PXDNL: variants seen among roughly 807,000 people sequenced by gnomAD.
The protein encoded by PXDNL is probable oxidoreductase PXDNL.
A neutral mutation model predicts 150.8 loss-of-function variants in PXDNL; 145 were observed. The observed-to-expected ratio is 0.96, with a 90% CI of 0.84 to 1.10. The LOEUF (loss-of-function observed/expected upper bound fraction) is 1.10. PXDNL is among the 50% of genes least tolerant of loss of function. The pLI, the probability that PXDNL is intolerant of heterozygous loss-of-function variation, is 0.00. For synonymous variants in PXDNL, 757 were observed against 725.7 expected (o/e 1.04, Z -0.69); for missense variants, 2,087 against 1,873.9 (o/e 1.11, Z -2.10).
intron 12 of PXDNL, among the ~76,000 whole-genome samples, chr8:51,432,337 C>A (rs1012625504): frequency 6.6e-6 from 1 of 152,148 alleles, no homozygotes; most frequent in African/African-American, 2.4e-5. Flanking sequence ...TATCCCTGAG[C>A]AGTATACAGT....
chr8:51,324,466 G>T (rs1805424447), intron 21 of PXDNL, among the ~76,000 whole-genome samples: 1 of 152,014 alleles, frequency 6.6e-6, no homozygotes, highest in Admixed American at 6.6e-5. Flanking sequence ...TTTTTATTTT[G>T]TTGTCAAAAG....
chr8:51,384,117 C>A (rs921267043), intron 17 of PXDNL, among the ~76,000 whole-genome samples: 3 of 152,138 alleles, frequency 2.0e-5, no homozygotes, highest in Non-Finnish European at 4.4e-5. Context: ...CAAATATGAT[C>A]ATTTAGTAGC....
At chr8:51,462,866 T>C (rs4873551) in intron 8 of PXDNL, among the ~76,000 whole-genome samples, 31,285 of 150,372 alleles carry the variant, frequency 0.21, 4,351 homozygotes, top group African/African-American at 0.41. Flanking sequence ...GAGGTCAACA[T>C]GAAAAAAAAA....
chr8:51,368,979 G>C (rs1389149052), intron 19 of PXDNL, among the ~76,000 whole-genome samples: 2 of 152,018 alleles, frequency 1.3e-5, no homozygotes, highest in Non-Finnish European at 2.9e-5. Context: ...CTAGGCAACA[G>C]AGCACAACTC....
chr8:51,554,128 T>C (rs1812552629), intron 4 of PXDNL, among the ~76,000 whole-genome samples: 1 of 152,204 alleles, frequency 6.6e-6, no homozygotes, highest in Non-Finnish European at 1.5e-5. Context: ...TACAAATACA[T>C]ACTAAAACAT....
In PXDNL at chr8:51,734,526, T is replaced by C. The variant is rs79081251; in HGVS notation, c.164+74655A>G. Among the ~76,000 whole-genome samples the C allele has an allele frequency of 6.2e-4, 94 of 152,300 alleles. 1 individual carries two copies. In the East Asian group the frequency reaches 0.013, roughly 21 times the overall value. Reference sequence around the variant, plus strand: ...CTCACAGCTCATCAACATCAATACATAATATTTATATGACAATCTTAACAT... The same window carrying C: ...CTCACAGCTCATCAACATCAATACACAATATTTATATGACAATCTTAACAT... On this transcript the variant is annotated intron_variant, in intron 1 of 22. Coordinates refer to ENST00000356297, the MANE Select transcript of PXDNL (RefSeq NM_144651.5).
At position 51,409,079 on chromosome 8, in the gene PXDNL, G is replaced by T; in HGVS notation, c.2545C>A (p.His849Asn). Reference sequence around the variant, plus strand: ...GCGTGGGTGCCCCGGGGGTCGGCGTGCCGGGTGTTCATGGGGAAACAAGGA... The same window carrying T: ...GCGTGGGTGCCCCGGGGGTCGGCGTTCCGGGTGTTCATGGGGAAACAAGGA... ...DPPCFPMNTRHADPRGTHAPC... is the reference protein window; with the variant it reads ...DPPCFPMNTRNADPRGTHAPC... The change falls in exon 17 of 23, where the codon CAC (histidine) becomes AAC (asparagine). Residue 849 changes from histidine to asparagine, a missense_variant. Transcript: ENST00000356297. 1 of 1,609,520 alleles carries T rather than the reference G, an allele frequency of 6.2e-7. No individual in the cohort carries two copies. The highest frequency in any genetic ancestry group is 8.5e-7 in the Non-Finnish European group (1 of 1,179,468).
intron 1 of PXDNL, among the ~76,000 whole-genome samples, chr8:51,794,174 G>A (rs367643942): frequency 1.2e-4 from 19 of 152,060 alleles, no homozygotes; most frequent in African/African-American, 3.6e-4. Context: ...GTGAAAAGAC[G>A]GAACCTATGA....
chr8:51,654,770 TA>T lies in PXDNL; in HGVS notation c.165-11del. On this transcript the variant is annotated splice_polypyrimidine_tract_variant and intron_variant, in intron 1 of 22. Transcript: ENST00000356297. Reference sequence around the variant, plus strand: ...GTTAAACCTCAAGTCTCTGGGAACATAAAAAGGTGAAGAACGATTATAATAT... The same window carrying T: ...GTTAAACCTCAAGTCTCTGGGAACATAAAAGGTGAAGAACGATTATAATAT... 6.2e-7 allele frequency: 1 copy of T among 1,608,454 alleles called. No homozygotes were observed. The highest frequency in any genetic ancestry group is 8.5e-7 in the Non-Finnish European group (1 of 1,175,382).
chr8:51,769,270 A>G (rs961804917), intron 1 of PXDNL, among the ~76,000 whole-genome samples: 2 of 152,200 alleles, frequency 1.3e-5, no homozygotes, highest in Non-Finnish European at 2.9e-5. Flanking sequence ...GAGACCCAGA[A>G]TCAGATGAAG....
chr8:51,612,200 G>A (rs1022189570), intron 2 of PXDNL, among the ~76,000 whole-genome samples: 14 of 152,070 alleles, frequency 9.2e-5, no homozygotes, highest in Non-Finnish European at 1.8e-4. Context: ...TTTTGCTCCC[G>A]GCCTCCACTC....
chr8:51,644,821 C>T (rs916068203), intron 2 of PXDNL, among the ~76,000 whole-genome samples: 15 of 151,776 alleles, frequency 9.9e-5, no homozygotes, highest in Admixed American at 9.8e-4. Flanking sequence ...GGGGCTGAGT[C>T]TAGGAGCTCA....
intron 19 of PXDNL, among the ~76,000 whole-genome samples, chr8:51,346,204 G>A (rs1347418243): frequency 6.6e-6 from 1 of 152,192 alleles, no homozygotes; most frequent in African/African-American, 2.4e-5. Flanking sequence ...CTCTGGAGGA[G>A]CCCCAGGCAG....
chr8:51,612,858 A>G (rs921575883), intron 2 of PXDNL, among the ~76,000 whole-genome samples: 4 of 152,348 alleles, frequency 2.6e-5, no homozygotes, highest in Admixed American at 6.5e-5. Flanking sequence ...CAGCCTGAAT[A>G]AACTAAGACA....
At chr8:51,705,613 TA>T (rs1193575086) in intron 1 of PXDNL, among the ~76,000 whole-genome samples, 11 of 152,364 alleles carry the variant, frequency 7.2e-5, no homozygotes, top group African/African-American at 2.4e-4. Context: ...TGCGGTGAGA[TA>T]ATGTGTGTAA....
intron 3 of PXDNL, among the ~76,000 whole-genome samples, chr8:51,573,857 AT>A (rs1214319625): frequency 6.6e-6 from 1 of 152,114 alleles, no homozygotes; most frequent in Non-Finnish European, 1.5e-5. Flanking sequence ...ACAAGGTCAT[AT>A]AGATGGGCTC....
chr8:51,354,866 T>C (rs1806455941), intron 19 of PXDNL, among the ~76,000 whole-genome samples: 1 of 152,096 alleles, frequency 6.6e-6, no homozygotes, highest in South Asian at 2.1e-4. Flanking sequence ...TTGTACTCTA[T>C]GTAAAGTCAA....
chr8:51,471,528 G>C (rs1810333443), intron 8 of PXDNL, among the ~76,000 whole-genome samples: 1 of 151,282 alleles, frequency 6.6e-6, no homozygotes, highest in African/African-American at 2.4e-5. Flanking sequence ...CGAACTATCA[G>C]TTTAAATCTG....
intron 19 of PXDNL, among the ~76,000 whole-genome samples, chr8:51,349,253 T>C (rs553427217): frequency 2.0e-5 from 3 of 152,254 alleles, no homozygotes; most frequent in Admixed American, 2.0e-4. Context: ...CTGCCTTTGC[T>C]TTGTGAATGG....
Sources: allele counts gnomAD v4.1 joint callset (sites outside exome capture counted in the v4.1 genomes callset), GRCh38; gene constraint gnomAD v4.1.1; transcripts MANE v1.5; gene names NCBI Gene and HGNC (gene_info 2026-07-23, HGNC 2026-07-21).